Variants in ZNF180 observed in about 807,000 individuals in gnomAD.
ZNF180 encodes zinc finger protein 180.
ZNF180 carries 11 observed loss-of-function variants against 11.8 expected under a neutral mutation model. That is an observed-to-expected ratio of 0.93 (90% CI 0.59 to 1.55). The LOEUF (loss-of-function observed/expected upper bound fraction) is 1.55. Ranked by LOEUF, ZNF180 falls within the 40% of genes most tolerant of loss-of-function variation. ZNF180 has a pLI of 0.00. For missense variants in ZNF180, 773 were observed against 781.7 expected, an observed-to-expected ratio of 0.99 and a Z score of 0.13; for synonymous variants, 287 against 257.7, an observed-to-expected ratio of 1.11 and a Z score of -1.09.
Position 44,479,387 on chromosome 19 carries a change from A to C in ZNF180, c.149T>G (p.Val50Gly), listed in dbSNP as rs199597294. The stretch of plus-strand genomic sequence containing the variant: ...TTCCTCCCGTGTGAAGTCCACAGTC[A>C]CAATTTTGAAGTTCACTCCTTCCTA... Reference protein sequence around the residue: ...PSQEGVNFKIVTVDFTREEQG... With the variant: ...PSQEGVNFKIGTVDFTREEQG... Residue 50 changes from valine to glycine, a missense_variant, in exon 4 of 5, where the codon GTG (valine) becomes GGG (glycine). Physicochemically the swap from Val to Gly is moderately radical, Grantham distance 109. Coordinates refer to ENST00000592529, the MANE Select transcript of ZNF180 (RefSeq NM_001278509.3). The C allele has an allele frequency of 3.1e-4, 495 of 1,613,804 alleles. No individual in the cohort carries two copies. Among genetic ancestry groups the C allele is most frequent in the Non-Finnish European group, 3.9e-4 (466 of 1,179,928 alleles).
chr19:44,476,742 T>A lies in ZNF180; in HGVS notation c.1658A>T (p.Asn553Ile), dbSNP rs1409179302. The change falls in exon 5 of 5, where the codon AAT becomes ATT. Residue 553 changes from asparagine (N) to isoleucine (I), a missense_variant. By Grantham distance (149) the Asn-to-Ile change is moderately radical (BLOSUM62 -3). Transcript: ENST00000592529. ...IHTGEKPYEC[N>I]QCGKSFSQSY... Reference sequence around the variant, plus strand: ...CTGGCTGAAGGATTTCCCACACTGATTACATTCATACGGTTTTTCCCCAGT... The same window carrying A: ...CTGGCTGAAGGATTTCCCACACTGAATACATTCATACGGTTTTTCCCCAGT... 1 of 1,614,136 alleles carries A rather than the reference T, an allele frequency of 6.2e-7. No individual in the cohort carries two copies. The highest frequency in any genetic ancestry group is 1.3e-5 in the African/African-American group (1 of 75,052).
At chr19:44,496,504 A>G (rs1312531357) in intron 2 of ZNF180, 1 of 151,766 alleles carries the variant, frequency 6.6e-6, no homozygotes, top group African/African-American at 2.4e-5. Context: ...AATTTTTAAA[A>G]TACACACACA....
intron 3 of ZNF180, among the ~76,000 whole-genome samples, chr19:44,480,367 A>G (rs948300314): frequency 2.0e-5 from 3 of 152,216 alleles, no homozygotes; most frequent in African/African-American, 4.8e-5. Flanking sequence ...AGACTCCCAC[A>G]GTGCTGGAAT....
intron 2 of ZNF180, among the ~76,000 whole-genome samples, chr19:44,488,529 G>A (rs1970311267): frequency 6.6e-6 from 1 of 152,174 alleles, no homozygotes; most frequent in African/African-American, 2.4e-5. Flanking sequence ...GCCTCCCAAG[G>A]TGCTGGGATT....
chr19:44,482,683 A>G (rs1600076738), intron 3 of ZNF180, among the ~76,000 whole-genome samples: 1 of 152,366 alleles, frequency 6.6e-6, no homozygotes, highest in East Asian at 1.9e-4. Context: ...TGATGAGAAT[A>G]TAAAAATAAC....
At chr19:44,488,634 CCT>C (rs1970316059) in intron 2 of ZNF180, among the ~76,000 whole-genome samples, 1 of 152,056 alleles carries the variant, frequency 6.6e-6, no homozygotes, top group East Asian at 2.0e-4. Context: ...CTCCCAGCTG[CCT>C]GCCTTGGCCT....
intron 2 of ZNF180, among the ~76,000 whole-genome samples, chr19:44,492,438 T>A (rs942427653): frequency 6.6e-6 from 1 of 152,212 alleles, no homozygotes; most frequent in African/African-American, 2.4e-5. Flanking sequence ...CCCTTTTTCT[T>A]TGCAGACTTT....
chr19:44,474,553 C>T lies in ZNF180; in HGVS notation c.*1849G>A, dbSNP rs189672271. On this transcript the variant is annotated 3_prime_UTR_variant, in exon 5 of 5. Transcript: ENST00000592529. ...CGACCATATCATTTCTTTCTTTACACGACTTGTGAGATAAGTAAGATATCA... is the reference window on the plus strand; with the variant it reads ...CGACCATATCATTTCTTTCTTTACATGACTTGTGAGATAAGTAAGATATCA... 16 of 152,278 alleles carry T rather than the reference C, an allele frequency of 1.1e-4. No individual in the cohort carries two copies. Among genetic ancestry groups the T allele is most frequent in the Admixed American group, 2.0e-4 (3 of 15,306 alleles). The allele number at this position is 152,278 out of a possible 1,614,324, so 9.4% of individuals were successfully genotyped here. A position where few individuals can be genotyped will look rare whatever the true frequency, so the allele number is the denominator to read the frequency against.
rs1232812425 is a variant in ZNF180, at chr19:44,478,160, A to G, written c.254-14T>C. On this transcript the variant is annotated splice_polypyrimidine_tract_variant and intron_variant, in intron 4 of 4. Transcript: ENST00000592529. ...CAGTTGCCAAGTCTGAAAGAAAGCA[A>G]TATAAGACATCTTAGTCAAAAAATA... The G allele has an allele frequency of 6.5e-7, 1 of 1,530,570 alleles. No homozygotes were observed. Among genetic ancestry groups the G allele is most frequent in the Middle Eastern group, 1.7e-4 (1 of 5,716 alleles). The allele number at this position is 1,530,570 out of a possible 1,614,324, so 94.8% of individuals were successfully genotyped here. A position where few individuals can be genotyped will look rare whatever the true frequency, so the allele number is the denominator to read the frequency against.
At position 44,477,787 on chromosome 19, in the gene ZNF180, C is replaced by A. The variant is rs1358049408; in HGVS notation, c.613G>T (p.Ala205Ser). 6.2e-7 allele frequency: 1 copy of A among 1,613,922 alleles called. No individual in the cohort carries two copies. The highest frequency in any genetic ancestry group is 8.5e-7 in the Non-Finnish European group (1 of 1,179,962). Reference protein sequence around the residue: ...SHAKKWHLNAAVNSHQKINEN... With the variant: ...SHAKKWHLNASVNSHQKINEN... ...TTAATCTTCTGATGACTGTTTACAGCAGCATTAAGATGCCATTTTTTAGCA... is the reference window on the plus strand; with the variant it reads ...TTAATCTTCTGATGACTGTTTACAGAAGCATTAAGATGCCATTTTTTAGCA... Residue 205 changes from alanine to serine, a missense_variant, in exon 5 of 5, where the codon GCT (alanine) becomes TCT (serine). Ala to Ser is a moderately conservative substitution (Grantham distance 99, BLOSUM62 1). Coordinates refer to ENST00000592529, the MANE Select transcript of ZNF180 (RefSeq NM_001278509.3).
intron 2 of ZNF180, among the ~76,000 whole-genome samples, chr19:44,492,836 G>A (rs907906113): frequency 7.9e-5 from 12 of 152,144 alleles, no homozygotes; most frequent in Admixed American, 6.5e-4. Flanking sequence ...AAACACAGGC[G>A]TCACACAGGC....
At chr19:44,479,587 G>A (rs1970026648) in intron 3 of ZNF180, 178 bp from the exon 4 acceptor site, 3 of 718,156 alleles carry the variant, frequency 4.2e-6, no homozygotes. Context: ...TGAGCTCTTT[G>A]GGTTTTGGAT....
intron 2 of ZNF180, among the ~76,000 whole-genome samples, chr19:44,489,869 AAGAG>A (rs1166551173): frequency 7.7e-5 from 11 of 143,610 alleles, no homozygotes; most frequent in African/African-American, 1.3e-4. Context: ...ACAAGAAAGA[AAGAG>A]AGAGAAAGAG....
rs751102849 is a variant in ZNF180 at position 44,497,320 on chromosome 19, A to G, written c.15T>C (p.Asp5=). The part of the protein sequence containing the change: MEEQ[D]EKPPEPPKVC... ...CCTTCGGGGGCTCTGGGGGCTTCTCATCCTGCTCTTCCATGCTCTCCTCCA... is the reference window on the plus strand; with the variant it reads ...CCTTCGGGGGCTCTGGGGGCTTCTCGTCCTGCTCTTCCATGCTCTCCTCCA... Residue 5 remains aspartate, a synonymous_variant, in exon 2 of 5, where the codon GAT becomes GAC. Coordinates refer to ENST00000592529, the MANE Select transcript of ZNF180 (RefSeq NM_001278509.3). 3.1e-6 allele frequency: 5 copies of G among 1,596,408 alleles called. No homozygotes were observed. The highest frequency in any genetic ancestry group is 1.4e-5 in the African/African-American group (1 of 73,462).
intron 3 of ZNF180, among the ~76,000 whole-genome samples, chr19:44,484,119 C>T (rs139925863): frequency 0.022 from 3,350 of 151,998 alleles, 103 homozygotes; most frequent in African/African-American, 0.076. Flanking sequence ...CTCAGCCTCC[C>T]GAGTAGCTGA....
Position 44,475,220 on chromosome 19 carries a change from T to G in ZNF180, c.*1182A>C, listed in dbSNP as rs950987002. 1.3e-5 allele frequency: 2 copies of G among 152,232 alleles called. No homozygotes were observed. Among genetic ancestry groups the G allele is most frequent in the Admixed American group, 1.3e-4 (2 of 15,286 alleles). The allele number at this position is 152,232 out of a possible 1,614,324, so 9.4% of individuals were successfully genotyped here. On this transcript the variant is annotated 3_prime_UTR_variant, in exon 5 of 5. Transcript: ENST00000592529. The stretch of plus-strand genomic sequence containing the variant: ...AAACTTTGCCTCATGAAAGCATTTT[T>G]GCAAGCATAATTTAGACGGTCAGCA...
At chr19:44,481,122 T>C (rs1171569507) in intron 3 of ZNF180, among the ~76,000 whole-genome samples, 1 of 152,118 alleles carries the variant, frequency 6.6e-6, no homozygotes, top group Non-Finnish European at 1.5e-5. Flanking sequence ...GGAATTTTAA[T>C]CCAAAAGAGA....
rs756900331 is a variant in ZNF180 at position 44,476,617 on chromosome 19, G to A, written c.1783C>T (p.Gln595Ter). Residue 595 changes from glutamine (Q) to a stop codon, truncating the protein, a stop_gained, in exon 5 of 5, where the codon CAA becomes TAA. Coordinates refer to ENST00000592529, the MANE Select transcript of ZNF180 (RefSeq NM_001278509.3). LOFTEE classifies it low-confidence loss of function (END_TRUNC). ...KSFRQSSCLTQHQRTHTGEKP... is the reference protein window; with the variant it reads ...KSFRQSSCLT ...TCTCCAGTATGAGTTCTCTGATGTT[G>A]AGTAAGGCATGAACTCTGTCTGAAG... 30 of 1,613,784 alleles carry A rather than the reference G, an allele frequency of 1.9e-5. 1 individual carries two copies. In the South Asian group the frequency reaches 2.9e-4, roughly 15 times the overall value.
chr19:44,499,431 T>C (rs1476912361), intron 1 of ZNF180, among the ~76,000 whole-genome samples: 1 of 152,210 alleles, frequency 6.6e-6, no homozygotes, highest in Non-Finnish European at 1.5e-5. Flanking sequence ...CAGCTACCAA[T>C]TTGATGGCAG....
Sources: gnomAD v4.1 joint callset for allele counts (sites outside exome capture counted in the v4.1 genomes callset) on GRCh38, gnomAD v4.1.1 for gene constraint, MANE v1.5 for transcripts, NCBI Gene and HGNC (gene_info 2026-07-23, HGNC 2026-07-21) for gene names.